The following GRM8 variants were observed in gnomAD, a reference collection of about 807,000 sequenced individuals.
The protein encoded by GRM8 is metabotropic glutamate receptor 8.
In GRM8, 47 loss-of-function variants were observed where a neutral mutation model predicts 87.2. The observed-to-expected ratio is 0.54, with a 90% CI of 0.43 to 0.69. GRM8 has a LOEUF of 0.69. GRM8 is among the 30% of genes least tolerant of loss of function. GRM8 has a pLI of 0.00. For missense variants in GRM8, 1,019 were observed against 1,139.2 expected (o/e 0.89, Z 1.52); for synonymous variants, 396 against 404.5 (o/e 0.98, Z 0.25).
At chr7:126,560,438 A>G (rs1040157928) in intron 8 of GRM8, among the ~76,000 whole-genome samples, 6 of 152,106 alleles carry the variant, frequency 3.9e-5, no homozygotes, top group African/African-American at 1.4e-4. Context: ...AGCAGGGGGG[A>G]ATGCTTTTAG....
intron 2 of GRM8, among the ~76,000 whole-genome samples, chr7:127,194,624 A>C (rs376614422): frequency 6.6e-6 from 1 of 152,184 alleles, no homozygotes; most frequent in East Asian, 1.9e-4. Context: ...GCCCCATTCC[A>C]ACAAAACCCT....
At chr7:127,127,548 T>G (rs1026834995) in intron 2 of GRM8, among the ~76,000 whole-genome samples, 10 of 152,012 alleles carry the variant, frequency 6.6e-5, no homozygotes, top group Non-Finnish European at 1.0e-4. Context: ...TTACATACAA[T>G]GTGATTCTAT....
intron 2 of GRM8, among the ~76,000 whole-genome samples, chr7:127,154,028 A>G (rs534944798): frequency 1.3e-5 from 2 of 152,068 alleles, no homozygotes; most frequent in Non-Finnish European, 2.9e-5. Context: ...ACCTCTGCTG[A>G]AAACCACCTT....
intron 3 of GRM8, among the ~76,000 whole-genome samples, chr7:127,060,268 A>G (rs1288956425): frequency 6.6e-6 from 1 of 152,152 alleles, no homozygotes; most frequent in Non-Finnish European, 1.5e-5. Flanking sequence ...TATTTAATGT[A>G]TGGCTTTGAA....
chr7:126,828,220 G>A (rs1795010517), intron 6 of GRM8, among the ~76,000 whole-genome samples: 1 of 152,098 alleles, frequency 6.6e-6, no homozygotes. Flanking sequence ...GATGATGCTG[G>A]CCTCATAAAA....
At chr7:127,208,774 T>C (rs1416867800) in intron 2 of GRM8, among the ~76,000 whole-genome samples, 1 of 152,034 alleles carries the variant, frequency 6.6e-6, no homozygotes, top group Non-Finnish European at 1.5e-5. Flanking sequence ...TGATCTAGCA[T>C]TACCAGTCTC....
chr7:126,941,844 G>A (rs1806978283), intron 3 of GRM8, among the ~76,000 whole-genome samples: 1 of 152,056 alleles, frequency 6.6e-6, no homozygotes, highest in Non-Finnish European at 1.5e-5. Context: ...AAAAAAATCT[G>A]CTGGCAAGTC....
chr7:127,114,861 G>T (rs548884475), intron 2 of GRM8, among the ~76,000 whole-genome samples: 1 of 152,192 alleles, frequency 6.6e-6, no homozygotes, highest in Admixed American at 6.5e-5. Flanking sequence ...AGTCATAGAG[G>T]GAAAGAAAAC....
chr7:126,736,640 C>T (rs12706745), intron 7 of GRM8, among the ~76,000 whole-genome samples: 49,483 of 151,886 alleles, frequency 0.33, 8,678 homozygotes, highest in Non-Finnish European at 0.38. Flanking sequence ...TGAGGCTACA[C>T]GATGCCAAGA....
chr7:127,074,767 T>A (rs1380427774), intron 3 of GRM8, among the ~76,000 whole-genome samples: 1 of 152,196 alleles, frequency 6.6e-6, no homozygotes, highest in East Asian at 1.9e-4. Context: ...AAAGCTAGAC[T>A]GATAATATCT....
intron 6 of GRM8, among the ~76,000 whole-genome samples, chr7:126,899,104 A>AGTGTGTGTGTGTGTGT (rs71177573): frequency 0.11 from 15,522 of 140,140 alleles, 1,030 homozygotes; most frequent in East Asian, 0.19. Context: ...ACTGGTTAAC[A>AGTGTGTGTGTGTGTGT]GTGTGTGTGT....
At chr7:127,160,550 C>T (rs1346747368) in intron 2 of GRM8, among the ~76,000 whole-genome samples, 3 of 152,152 alleles carry the variant, frequency 2.0e-5, no homozygotes, top group Non-Finnish European at 4.4e-5. Flanking sequence ...CACACACACA[C>T]ACACCCCTCA....
intron 3 of GRM8, among the ~76,000 whole-genome samples, chr7:127,051,191 C>T (rs1447097338): frequency 6.6e-6 from 1 of 152,148 alleles, no homozygotes; most frequent in Non-Finnish European, 1.5e-5. Flanking sequence ...TGTTAAAATG[C>T]AAACACCTGG....
At chr7:126,503,071 A>G (rs539197450) in intron 9 of GRM8, among the ~76,000 whole-genome samples, 1 of 152,082 alleles carries the variant, frequency 6.6e-6, no homozygotes, top group African/African-American at 2.4e-5. Flanking sequence ...AGTGATTTCC[A>G]GGAATGGAGA....
At chr7:126,792,418 G>C (rs185726374) in intron 6 of GRM8, among the ~76,000 whole-genome samples, 2 of 152,300 alleles carry the variant, frequency 1.3e-5, no homozygotes, top group South Asian at 2.1e-4. Flanking sequence ...CCCCAGCCCT[G>C]CTTAAGTAGA....
chr7:127,054,689 G>A (rs1158697057), intron 3 of GRM8, among the ~76,000 whole-genome samples: 1 of 152,130 alleles, frequency 6.6e-6, no homozygotes, highest in Non-Finnish European at 1.5e-5. Flanking sequence ...TTCTGTTCTG[G>A]ACCTCTTTCT....
Position 126,533,102 on chromosome 7 carries a change from C to T in GRM8, c.2280G>A (p.Met760Ile). 6.2e-7 allele frequency: 1 copy of T among 1,613,308 alleles called. No homozygotes were observed. The highest frequency in any genetic ancestry group is 8.5e-7 in the Non-Finnish European group (1 of 1,179,850). Residue 760 changes from methionine to isoleucine, a missense_variant, in exon 9 of 11, where the codon ATG becomes ATA. Physicochemically the swap from Met to Ile is conservative, Grantham distance 10. Transcript: ENST00000339582. ...ICSLGYSILL[M>I]VTCTVYAIKT... ...TAATGGCATAAACAGTACAAGTGAC[C>T]ATCAAGAGGATACTGTATCCAAGTG...
intron 6 of GRM8, among the ~76,000 whole-genome samples, chr7:126,770,363 A>G (rs1368992240): frequency 6.6e-6 from 1 of 152,106 alleles, no homozygotes; most frequent in Non-Finnish European, 1.5e-5. Context: ...TAGTAATTAC[A>G]TAACATTTTG....
At chr7:127,212,874 A>G (rs1034826875) in intron 2 of GRM8, among the ~76,000 whole-genome samples, 3 of 152,216 alleles carry the variant, frequency 2.0e-5, no homozygotes, top group African/African-American at 7.2e-5. Context: ...CGTAAATGTC[A>G]CACATGTTCA....
Sources: allele counts gnomAD v4.1 joint callset (sites outside exome capture counted in the v4.1 genomes callset), GRCh38; gene constraint gnomAD v4.1.1; transcripts MANE v1.5; gene names NCBI Gene and HGNC (gene_info 2026-07-23, HGNC 2026-07-21).